The following SNTB1 variants were observed in gnomAD, a reference collection of about 807,000 sequenced individuals.
The protein encoded by SNTB1 is beta-1-syntrophin.
Under a neutral mutation model 48.9 loss-of-function variants are expected in SNTB1, and 36 were observed. The observed-to-expected ratio is 0.74, with a 90% confidence interval of 0.56 to 0.97. The LOEUF is 0.97. SNTB1 is among the 50% of genes least tolerant of loss of function. SNTB1 has a pLI of 0.00. For synonymous variants in SNTB1, 299 were observed against 294.6 expected, an observed-to-expected ratio of 1.01 and a Z score of -0.15; for missense variants, 786 against 703.4, an observed-to-expected ratio of 1.12 and a Z score of -1.33.
At chr8:120,649,706 T>C (rs1486732171) in intron 2 of SNTB1, among the ~76,000 whole-genome samples, 1 of 151,958 alleles carries the variant, frequency 6.6e-6, no homozygotes, top group African/African-American at 2.4e-5. Context: ...CAGTTCGAGC[T>C]TCCCGGCTGC....
At chr8:120,800,621 T>A (rs918162918) in intron 1 of SNTB1, among the ~76,000 whole-genome samples, 12 of 152,060 alleles carry the variant, frequency 7.9e-5, no homozygotes, top group African/African-American at 2.9e-4. Flanking sequence ...AAAAAAATTA[T>A]ACAGAATGGG....
chr8:120,726,864 G>A (rs1017291412), intron 1 of SNTB1, among the ~76,000 whole-genome samples: 1 of 152,168 alleles, frequency 6.6e-6, no homozygotes, highest in Admixed American at 6.5e-5. Context: ...TGACAAGAAA[G>A]CATCCTGGCA....
intron 3 of SNTB1, among the ~76,000 whole-genome samples, chr8:120,613,343 C>T (rs1469524374): frequency 4.4e-5 from 4 of 91,428 alleles, no homozygotes; most frequent in African/African-American, 8.5e-5. Context: ...AAGAGTGCAG[C>T]TCCATCTCAA....
At chr8:120,749,661 A>C (rs1480733328) in intron 1 of SNTB1, among the ~76,000 whole-genome samples, 1 of 152,158 alleles carries the variant, frequency 6.6e-6, no homozygotes, top group Non-Finnish European at 1.5e-5. Context: ...GTTTGCAAAA[A>C]AGGAAACTGA....
intron 2 of SNTB1, among the ~76,000 whole-genome samples, chr8:120,648,565 G>T (rs1034059927): frequency 2.6e-5 from 4 of 151,878 alleles, no homozygotes; most frequent in East Asian, 1.9e-4. Flanking sequence ...TCCCTTTGAG[G>T]GTAACCCGAC....
chr8:120,680,048 T>A (rs1294754383), intron 2 of SNTB1, among the ~76,000 whole-genome samples: 1 of 152,154 alleles, frequency 6.6e-6, no homozygotes, highest in Non-Finnish European at 1.5e-5. Context: ...CTCCCTGTCT[T>A]CCTATCTCAA....
chr8:120,729,293 A>G (rs765248667), intron 1 of SNTB1, among the ~76,000 whole-genome samples: 2 of 152,184 alleles, frequency 1.3e-5, no homozygotes, highest in African/African-American at 2.4e-5. Flanking sequence ...CTGACGTTTT[A>G]ATAATAGTCA....
At chr8:120,745,933 C>T (rs1300222977) in intron 1 of SNTB1, among the ~76,000 whole-genome samples, 1 of 152,194 alleles carries the variant, frequency 6.6e-6, no homozygotes, top group Non-Finnish European at 1.5e-5. Flanking sequence ...CTAATCCTTA[C>T]AGACCATGCC....
chr8:120,621,351 A>G (rs1436422605), intron 3 of SNTB1, among the ~76,000 whole-genome samples: 1 of 152,206 alleles, frequency 6.6e-6, no homozygotes, highest in Non-Finnish European at 1.5e-5. Flanking sequence ...AAGAAGATGC[A>G]GTAAAGTGTC....
At chr8:120,594,331 G>A (rs1816290426) in intron 3 of SNTB1, among the ~76,000 whole-genome samples, 1 of 152,082 alleles carries the variant, frequency 6.6e-6, no homozygotes, top group Admixed American at 6.6e-5. Context: ...TCCACCTCCC[G>A]GGTTCCAGTG....
chr8:120,653,792 C>A (rs1490276245), intron 2 of SNTB1, among the ~76,000 whole-genome samples: 2 of 151,952 alleles, frequency 1.3e-5, no homozygotes, highest in African/African-American at 4.8e-5. Flanking sequence ...GTAATCCCAG[C>A]ACTTTGGGAG....
chr8:120,632,404 CG>C lies in SNTB1; in HGVS notation c.996+39del, dbSNP rs1270195403. ...GTGGTTATGAGCGCTGGGGGAATCT[CG>C]GGGAGGACGACTATTACAGAGGAAG... On this transcript the variant is annotated intron_variant, in intron 3 of 6. Coordinates refer to ENST00000517992, the MANE Select transcript of SNTB1 (RefSeq NM_021021.4). The C allele has an allele frequency of 1.9e-6, 3 of 1,574,498 alleles. No homozygotes were observed. In the African/African-American group the frequency reaches 4.0e-5, roughly 21 times the overall value.
rs1815218147 is a variant in SNTB1, at chr8:120,537,350, CCT to C, written c.*1525_*1526del. The C allele has an allele frequency of 6.6e-6, 1 of 152,060 alleles. No individual in the cohort carries two copies. The highest frequency in any genetic ancestry group is 1.5e-5 in the Non-Finnish European group (1 of 67,996). The allele number at this position is 152,060 out of a possible 1,614,324, so 9.4% of individuals were successfully genotyped here. A position where few individuals can be genotyped will look rare whatever the true frequency, so the allele number is the denominator to read the frequency against. On this transcript the variant is annotated 3_prime_UTR_variant, in exon 7 of 7. Coordinates refer to ENST00000517992, the MANE Select transcript of SNTB1 (RefSeq NM_021021.4). ...ATTTAGTAAAGTGTATTAACAAACC[CCT>C]GTCTCCCCCCAGCAAAACACCACTC...
At chr8:120,591,443 G>T (rs1046658298) in intron 3 of SNTB1, among the ~76,000 whole-genome samples, 1 of 152,066 alleles carries the variant, frequency 6.6e-6, no homozygotes, top group Non-Finnish European at 1.5e-5. Flanking sequence ...AGATAGATTT[G>T]TCAGAGATGC....
At position 120,707,092 on chromosome 8, in the gene SNTB1, T is replaced by C. The variant is rs556347833; in HGVS notation, c.572-13184A>G. Among the ~76,000 whole-genome samples, 71 of 152,188 alleles carry C rather than the reference T, an allele frequency of 4.7e-4. 1 individual carries two copies. Among genetic ancestry groups the C allele is most frequent in the Non-Finnish European group, 8.5e-4 (58 of 68,012 alleles). ...TACCTCCTATTTTGAAAGTGCTTTA[T>C]AGCACCTCCTTGCACACAGCCTCAT... is the stretch of plus-strand genomic sequence containing the variant. On this transcript the variant is annotated intron_variant, in intron 1 of 6. Transcript: ENST00000517992.
chr8:120,643,948 T>A (rs1031684150), intron 2 of SNTB1, among the ~76,000 whole-genome samples: 1 of 152,118 alleles, frequency 6.6e-6, no homozygotes, highest in African/African-American at 2.4e-5. Context: ...CAATACACAT[T>A]CAAGAAAATG....
chr8:120,636,673 T>C lies in SNTB1; in HGVS notation c.789-4022A>G, dbSNP rs1003062083. Among the ~76,000 whole-genome samples, 5 of 151,452 alleles carry C rather than the reference T, an allele frequency of 3.3e-5. No individual in the cohort carries two copies. The East Asian group carries it at 5.8e-4, about 18-fold the overall frequency. On this transcript the variant is annotated intron_variant, in intron 2 of 6. Transcript: ENST00000517992. ...GACATTTGGGTTGGTTCCAAGTCTT[T>C]GCTATTGTGAATAATGCCACAATAA...
chr8:120,704,021 A>G (rs1049164425), intron 1 of SNTB1, among the ~76,000 whole-genome samples: 2 of 152,242 alleles, frequency 1.3e-5, no homozygotes, highest in African/African-American at 4.8e-5. Context: ...GAGGGTGTCT[A>G]GCTCTACAGC....
At chr8:120,743,796 C>A (rs1819081737) in intron 1 of SNTB1, among the ~76,000 whole-genome samples, 2 of 152,142 alleles carry the variant, frequency 1.3e-5, no homozygotes, top group African/African-American at 4.8e-5. Flanking sequence ...ACTATTATAT[C>A]ACAGGGTCCA....
Sources: gnomAD v4.1 joint callset for allele counts (sites outside exome capture counted in the v4.1 genomes callset) on GRCh38, gnomAD v4.1.1 for gene constraint, MANE v1.5 for transcripts, NCBI Gene and HGNC (gene_info 2026-07-23, HGNC 2026-07-21) for gene names.